The following SKOR2 variants were observed in gnomAD, a reference collection of about 807,000 sequenced individuals.
The protein encoded by SKOR2 is LBX1 corepressor 1-like protein.
SKOR2 carries 47 observed loss-of-function variants against 69.1 expected under a neutral mutation model. The observed-to-expected ratio is 0.68, with a 90% confidence interval of 0.54 to 0.87. The LOEUF is 0.87. SKOR2 is among the 40% of genes least tolerant of loss of function. The pLI is 0.00. For synonymous variants in SKOR2, 717 were observed against 672.6 expected, an observed-to-expected ratio of 1.07 and a Z score of -1.02; for missense variants, 1,404 against 1,472.2, an observed-to-expected ratio of 0.95 and a Z score of 0.76.
chr18:47,248,924 A>G lies in SKOR2; in HGVS notation c.260T>C (p.Leu87Pro). The G allele has an allele frequency of 6.3e-7, 1 of 1,574,902 alleles. No individual in the cohort carries two copies. Among genetic ancestry groups the G allele is most frequent in the South Asian group, 1.1e-5 (1 of 87,242 alleles). ...CGTGCACTGCACACACGTGATGCCC[A>G]GTGCCACGCGACGGTTGTGGATCTC... Reference protein sequence around the residue: ...YNEIHNRRVALGITCVQCTPV... With the variant: ...YNEIHNRRVAPGITCVQCTPV... The change falls in exon 2 of 9, where the codon CTG (leucine) becomes CCG (proline). Residue 87 changes from leucine (L) to proline (P), a missense_variant. By Grantham distance (98) the Leu-to-Pro change is moderately conservative. Transcript: ENST00000425639. The surrounding 1 kb of genome is among the most constrained non-coding windows in gnomAD (Gnocchi z 6.4).
chr18:47,207,129 G>T (rs2064115481), intron 8 of SKOR2, among the ~76,000 whole-genome samples: 2 of 152,214 alleles, frequency 1.3e-5, no homozygotes, highest in African/African-American at 4.8e-5. Context: ...GCTGGGGTTT[G>T]TTGTAGGGCA....
In SKOR2 at chr18:47,248,372, G is replaced by A. The variant is rs1319584932; in HGVS notation, c.812C>T (p.Ala271Val). The change falls in exon 2 of 9, where the codon GCC becomes GTC. Residue 271 changes from alanine to valine, a missense_variant. By Grantham distance (64) the Ala-to-Val change is moderately conservative (BLOSUM62 0). Transcript: ENST00000425639. The surrounding 1 kb of genome is among the most constrained non-coding windows in gnomAD (Gnocchi z 6.4). ...GGGGCCCAGCAGACCCCCGCCTCCG[G>A]CCACCGCGGCCGCGGCGGCCACGGC... is the stretch of plus-strand genomic sequence containing the variant. ...AAAVAAAAAV[A>V]GGGGLLGPHL... is the part of the protein sequence containing the mutation. 1.1e-5 allele frequency: 14 copies of A among 1,290,304 alleles called. No homozygotes were observed. Among genetic ancestry groups the A allele is most frequent in the Non-Finnish European group, 1.4e-5 (14 of 1,028,318 alleles). 79.9% of individuals were successfully genotyped at this position (1,290,304 alleles called of 1,614,324 possible).
At chr18:47,219,605 A>G (rs2144485029) in intron 7 of SKOR2, among the ~76,000 whole-genome samples, 1 of 152,314 alleles carries the variant, frequency 6.6e-6, no homozygotes, top group Admixed American at 6.5e-5. Context: ...AGAGGATGGA[A>G]GACAGTTGCC....
intron 8 of SKOR2, 79 bp downstream of exon 8, chr18:47,212,006 CA>C: frequency 1.7e-6 from 2 of 1,201,382 alleles, no homozygotes; most frequent in Non-Finnish European, 2.1e-6. Context: ...TGGGCTATTT[CA>C]AACACATCAA....
At position 47,230,510 on chromosome 18, in the gene SKOR2, G is replaced by A; in HGVS notation, c.2866C>T (p.Leu956=). 2 of 1,448,526 alleles carry A rather than the reference G, an allele frequency of 1.4e-6. No individual in the cohort carries two copies. The highest frequency in any genetic ancestry group is 9.0e-7 in the Non-Finnish European group (1 of 1,108,034). 89.7% of individuals were successfully genotyped at this position (1,448,526 alleles called of 1,614,324 possible). ...LFEQIDLRRR[L]EQEFQVLKGN... is the part of the protein sequence containing the mutation. ...TTTAACACCTGGAATTCTTGTTCCAGTCGTCTCCGTAAATCTATTTGTTCA... is the reference window on the plus strand; with the variant it reads ...TTTAACACCTGGAATTCTTGTTCCAATCGTCTCCGTAAATCTATTTGTTCA... Residue 956 remains leucine, a synonymous_variant, in exon 6 of 9, where the codon CTG becomes TTG. Transcript: ENST00000425639.
chr18:47,239,483 G>A (rs1170529523), intron 4 of SKOR2, among the ~76,000 whole-genome samples: 1 of 152,138 alleles, frequency 6.6e-6, no homozygotes, highest in Non-Finnish European at 1.5e-5. Context: ...AAGAGTTATG[G>A]CAAACTTTAC....
chr18:47,247,343 C>T lies in SKOR2; in HGVS notation c.1841G>A (p.Gly614Asp). 6.8e-7 allele frequency: 1 copy of T among 1,473,804 alleles called. No individual in the cohort carries two copies. The highest frequency in any genetic ancestry group is 8.9e-7 in the Non-Finnish European group (1 of 1,118,484). The allele number at this position is 1,473,804 out of a possible 1,614,324, so 91.3% of individuals were successfully genotyped here. The change falls in exon 2 of 9, where the codon GGC becomes GAC. Residue 614 changes from glycine to aspartate, a missense_variant. Gly to Asp is a moderately conservative substitution (Grantham distance 94). Transcript: ENST00000425639. The surrounding 1 kb of genome is among the most constrained non-coding windows in gnomAD (Gnocchi z 6.6). ...GCTGGAATGGTGGTAGCTGCCACCGCCCGCTTTGCGCCCCTCCAGAAGGTG... is the reference window on the plus strand; with the variant it reads ...GCTGGAATGGTGGTAGCTGCCACCGTCCGCTTTGCGCCCCTCCAGAAGGTG... ...HPHLLEGRKAGGGSYHHSSAF... is the reference protein window; with the variant it reads ...HPHLLEGRKADGGSYHHSSAF...
chr18:47,230,946 T>G lies in SKOR2; in HGVS notation c.2807A>C (p.Asn936Thr). ...AAACTTTCATTTACCTTTCCCCATA[T>G]TTTCTACATCCTTTTTCAGTGAATG... is the stretch of plus-strand genomic sequence containing the variant. ...SPHSLKKDVE[N>T]MGKEELQKVL... is the part of the protein sequence containing the mutation. The change falls in exon 5 of 9, where the codon AAT (asparagine) becomes ACT (threonine). Residue 936 changes from asparagine (N) to threonine (T), a missense_variant. Asn to Thr is a moderately conservative substitution (Grantham distance 65). Transcript: ENST00000425639. The G allele has an allele frequency of 6.5e-7, 1 of 1,529,500 alleles. No homozygotes were observed. The highest frequency in any genetic ancestry group is 8.7e-7 in the Non-Finnish European group (1 of 1,143,030). 94.7% of individuals were successfully genotyped at this position (1,529,500 alleles called of 1,614,324 possible).
intron 6 of SKOR2, among the ~76,000 whole-genome samples, chr18:47,229,847 C>T (rs1338099643): frequency 6.6e-6 from 1 of 152,118 alleles, no homozygotes; most frequent in Non-Finnish European, 1.5e-5. Flanking sequence ...AATTCCAAGA[C>T]TCTGGGAGTA....
chr18:47,246,780 G>GT lies in SKOR2; in HGVS notation c.2403_2404insA (p.Arg802ThrfsTer71). 7.1e-7 allele frequency: 1 copy of GT among 1,404,926 alleles called. No homozygotes were observed. The allele number at this position is 1,404,926 out of a possible 1,614,324, so 87.0% of individuals were successfully genotyped here. A position where few individuals can be genotyped will look rare whatever the true frequency, so the allele number is the denominator to read the frequency against. On this transcript the variant is annotated frameshift_variant, in exon 2 of 9. Coordinates refer to ENST00000425639, the MANE Select transcript of SKOR2 (RefSeq NM_001278063.4). LOFTEE classifies it high-confidence loss of function. ...AACGCGCCCGCGACGGCCGGCGCGC[G>GT]GTCCCGGCTGCTCCCCTTCTCCGAC...
chr18:47,230,765 T>C (rs12455314), intron 5 of SKOR2, among the ~76,000 whole-genome samples, 170 bp downstream of exon 5: 2,921 of 152,334 alleles, frequency 0.019, 101 homozygotes, highest in East Asian at 0.17. Context: ...GTGTCATGTA[T>C]TGATTGATAT....
intron 4 of SKOR2, among the ~76,000 whole-genome samples, chr18:47,244,125 T>C (rs1973496193): frequency 6.6e-6 from 1 of 152,216 alleles, no homozygotes; most frequent in Non-Finnish European, 1.5e-5. Flanking sequence ...TACTTTGCCG[T>C]TATATAAGAT....
Position 47,247,180 on chromosome 18 carries a change from G to T in SKOR2, c.2004C>A (p.His668Gln), listed in dbSNP as rs1417057222. 7 of 1,212,462 alleles carry T rather than the reference G, an allele frequency of 5.8e-6. No individual in the cohort carries two copies. Among genetic ancestry groups the T allele is most frequent in the African/African-American group, 3.3e-5 (2 of 61,482 alleles). 75.1% of individuals were successfully genotyped at this position (1,212,462 alleles called of 1,614,324 possible). ...GAAGCGGCGACGGCGGCTGCGGGGG[G>T]TGGTGGTGGTGGTGGTGGTGGTGAG... ...HHPHHHHHHH[H>Q]PPQPPSPLLL... The change falls in exon 2 of 9, where the codon CAC (histidine) becomes CAA (glutamine). Residue 668 changes from histidine to glutamine, a missense_variant. His to Gln is a conservative substitution (Grantham distance 24, BLOSUM62 0). This residue lies in a region of SKOR2 where 1,266 missense variants were observed against 1,309.9 expected (regional missense o/e 0.97). Coordinates refer to ENST00000425639, the MANE Select transcript of SKOR2 (RefSeq NM_001278063.4). This position sits in a 1 kb window ranked among gnomAD's most constrained non-coding sequence, Gnocchi z 6.6.
intron 4 of SKOR2, among the ~76,000 whole-genome samples, chr18:47,241,585 G>C (rs757171540): frequency 1.2e-4 from 18 of 151,824 alleles, no homozygotes; most frequent in Admixed American, 1.1e-3. Context: ...ACACTTACTG[G>C]TGTTTAAAAC....
intron 6 of SKOR2, 122 bp downstream of exon 6, chr18:47,230,337 G>T: frequency 1.7e-6 from 1 of 575,012 alleles, no homozygotes; most frequent in Non-Finnish European, 2.6e-6. Flanking sequence ...TATTTAGGCA[G>T]ACCATGGGAA....
intron 7 of SKOR2, among the ~76,000 whole-genome samples, chr18:47,213,632 G>A (rs1025563): frequency 0.67 from 101,644 of 151,826 alleles, 35,192 homozygotes; most frequent in African/African-American, 0.86. Flanking sequence ...TAATCATCTC[G>A]CTATTTTGAT....
Position 47,247,097 on chromosome 18 carries a change from GGC to G in SKOR2, c.2085_2086del (p.Pro696AlafsTer68). ...CGGCGGGGGCGGCGGCGGCGGCGGC[GGC>G]GGGGCCGGGTGGTGGCGCTCGGAAC... On this transcript the variant is annotated frameshift_variant, in exon 2 of 9. Coordinates refer to ENST00000425639, the MANE Select transcript of SKOR2 (RefSeq NM_001278063.4). LOFTEE classifies it high-confidence loss of function. This position sits in a 1 kb window ranked among gnomAD's most constrained non-coding sequence, Gnocchi z 6.6. The G allele has an allele frequency of 1.5e-6, 2 of 1,345,856 alleles. No homozygotes were observed. Among genetic ancestry groups the G allele is most frequent in the Non-Finnish European group, 1.9e-6 (2 of 1,055,206 alleles). The allele number at this position is 1,345,856 out of a possible 1,614,324, so 83.4% of individuals were successfully genotyped here.
At chr18:47,224,380 C>T (rs890313846) in intron 6 of SKOR2, among the ~76,000 whole-genome samples, 1 of 152,174 alleles carries the variant, frequency 6.6e-6, no homozygotes, top group Non-Finnish European at 1.5e-5. Context: ...TCAGCCAACA[C>T]AACAGCAAGG....
Position 47,248,355 on chromosome 18 carries a change from G to C in SKOR2, c.829C>G (p.Leu277Val). The C allele has an allele frequency of 7.9e-7, 1 of 1,270,008 alleles. No individual in the cohort carries two copies. Among genetic ancestry groups the C allele is most frequent in the Non-Finnish European group, 9.8e-7 (1 of 1,016,734 alleles). The allele number at this position is 1,270,008 out of a possible 1,614,324, so 78.7% of individuals were successfully genotyped here. Reference protein sequence around the residue: ...AAAVAGGGGLLGPHLLGAPPP... With the variant: ...AAAVAGGGGLVGPHLLGAPPP... ...GGCGCACCCAGCAGGTGGGGGCCCAGCAGACCCCCGCCTCCGGCCACCGCG... is the reference window on the plus strand; with the variant it reads ...GGCGCACCCAGCAGGTGGGGGCCCACCAGACCCCCGCCTCCGGCCACCGCG... Residue 277 changes from leucine to valine, a missense_variant, in exon 2 of 9, where the codon CTG becomes GTG. Transcript: ENST00000425639. This position sits in a 1 kb window ranked among gnomAD's most constrained non-coding sequence, Gnocchi z 6.4.
Sources: allele counts gnomAD v4.1 joint callset (sites outside exome capture counted in the v4.1 genomes callset), GRCh38; gene constraint gnomAD v4.1.1; regional missense constraint gnomAD v4.1.1; non-coding constraint Gnocchi (gnomAD v3.1); transcripts MANE v1.5; gene names NCBI Gene and HGNC (gene_info 2026-07-23, HGNC 2026-07-21).